The following PAX3 variants were observed in gnomAD, a reference collection of about 807,000 sequenced individuals.
PAX3 encodes paired box 3.
PAX3 carries 14 observed loss-of-function variants against 51.6 expected under a neutral mutation model. The observed-to-expected ratio is 0.27, with a 90% CI of 0.18 to 0.42. The LOEUF is 0.42. PAX3 is among the 10% of genes least tolerant of loss of function. The pLI is 1.00. For missense variants in PAX3, 540 were observed against 642.8 expected (o/e 0.84, Z 1.73); for synonymous variants, 280 against 253.4 (o/e 1.11, Z -1.00).
intron 4 of PAX3, among the ~76,000 whole-genome samples, chr2:222,250,368 C>T (rs1693380967): frequency 6.6e-6 from 1 of 152,070 alleles, no homozygotes; most frequent in Non-Finnish European, 1.5e-5. Flanking sequence ...TTTTAGCCAG[C>T]ATGTATAATC....
At chr2:222,216,100 C>T (rs1691946991) in intron 7 of PAX3, among the ~76,000 whole-genome samples, 1 of 152,162 alleles carries the variant, frequency 6.6e-6, no homozygotes, top group Non-Finnish European at 1.5e-5. Context: ...TCAACCATGG[C>T]TGCAAGAAAA....
chr2:222,214,951 A>G (rs1322588713), intron 7 of PAX3: 1 of 152,102 alleles, frequency 6.6e-6, no homozygotes, highest in African/African-American at 2.4e-5. Context: ...TTTCACTCAT[A>G]AACCAGAAAC....
At chr2:222,242,746 TG>T in intron 4 of PAX3, 1 of 152,316 alleles carries the variant, frequency 6.6e-6, no homozygotes, top group Middle Eastern at 3.4e-3. Flanking sequence ...CAGTGGTGGT[TG>T]GTGTAGGTGG....
chr2:222,292,909 T>A (rs557677939), intron 4 of PAX3, among the ~76,000 whole-genome samples: 1 of 152,332 alleles, frequency 6.6e-6, no homozygotes, highest in South Asian at 2.1e-4. Context: ...AATCAGCCAT[T>A]TGGATCTGTA....
chr2:222,212,614 GA>G (rs1691783402), intron 7 of PAX3, among the ~76,000 whole-genome samples: 1 of 123,784 alleles, frequency 8.1e-6, no homozygotes, highest in South Asian at 2.6e-4. Context: ...AGATTCTTTG[GA>G]AAAACAAACA....
chr2:222,206,859 A>T (rs558328804), intron 7 of PAX3, among the ~76,000 whole-genome samples: 1 of 152,244 alleles, frequency 6.6e-6, no homozygotes, highest in Admixed American at 6.5e-5. Context: ...ATCTAAAATG[A>T]TTCAGTAAAT....
intron 5 of PAX3, among the ~76,000 whole-genome samples, chr2:222,222,234 A>G (rs1417057302): frequency 6.6e-6 from 1 of 152,092 alleles, no homozygotes; most frequent in African/African-American, 2.4e-5. Context: ...AGAAATTGTG[A>G]TATAAGGCCT....
At chr2:222,269,365 T>C (rs1305552488) in intron 4 of PAX3, among the ~76,000 whole-genome samples, 4 of 152,182 alleles carry the variant, frequency 2.6e-5, no homozygotes, top group Admixed American at 1.3e-4. Context: ...TTAATTGCCC[T>C]TTGAATTAAT....
chr2:222,295,439 G>T, intron 3 of PAX3, 89 bp downstream of exon 3: 1 of 1,469,780 alleles, frequency 6.8e-7, no homozygotes, highest in Non-Finnish European at 9.5e-7. Flanking sequence ...AGCTGAGATC[G>T]ATAATTGGGG....
At chr2:222,234,013 T>G (rs914745812) in intron 4 of PAX3, among the ~76,000 whole-genome samples, 2 of 152,198 alleles carry the variant, frequency 1.3e-5, no homozygotes, top group African/African-American at 4.8e-5. Context: ...CCTACAGAAA[T>G]CTAAAATTTC....
chr2:222,200,797 A>G lies in PAX3; in HGVS notation c.*611T>C. 1 of 323,880 alleles carries G rather than the reference A, an allele frequency of 3.1e-6. No individual in the cohort carries two copies. The highest frequency in any genetic ancestry group is 5.7e-6 in the Non-Finnish European group (1 of 173,948). 20.1% of individuals were successfully genotyped at this position (323,880 alleles called of 1,614,324 possible). A position where few individuals can be genotyped will look rare whatever the true frequency, so the allele number is the denominator to read the frequency against. On this transcript the variant is annotated 3_prime_UTR_variant, in exon 9 of 9. Transcript: ENST00000392070. ...GATTACAAATGAGGATACAGTAACA[A>G]ATAATTTATTTAGGAGGTCCTTTAC...
intron 3 of PAX3, among the ~76,000 whole-genome samples, chr2:222,294,774 C>T (rs1306649495): frequency 8.0e-6 from 1 of 124,390 alleles, no homozygotes; most frequent in Non-Finnish European, 1.7e-5. Flanking sequence ...CCCCACCCCC[C>T]CGTAAATCAA....
chr2:222,235,773 T>C (rs1378567409), intron 4 of PAX3, among the ~76,000 whole-genome samples: 1 of 152,084 alleles, frequency 6.6e-6, no homozygotes, highest in Non-Finnish European at 1.5e-5. Context: ...CTGGTGATTC[T>C]TTAAAAGAAA....
chr2:222,254,143 T>C lies in PAX3; in HGVS notation c.587-21860A>G, dbSNP rs944360968. The stretch of plus-strand genomic sequence containing the variant: ...CATCCAATCTCCAGGAAATGCCTAT[T>C]GCAAATTTTTTTTTTAAAAAAAAGT... On this transcript the variant is annotated intron_variant, in intron 4 of 8. Coordinates refer to ENST00000392070, the MANE Select transcript of PAX3 (RefSeq NM_181458.4). Among the ~76,000 whole-genome samples, 6 of 152,030 alleles carry C rather than the reference T, an allele frequency of 3.9e-5. No individual in the cohort carries two copies. In the South Asian group the frequency reaches 1.0e-3, roughly 26 times the overall value.
chr2:222,224,418 A>G (rs1441703944), intron 5 of PAX3, among the ~76,000 whole-genome samples: 2 of 152,188 alleles, frequency 1.3e-5, no homozygotes, highest in African/African-American at 4.8e-5. Context: ...CTGATTTTTT[A>G]TCATCTTACC....
intron 4 of PAX3, among the ~76,000 whole-genome samples, chr2:222,260,526 T>C (rs74754708): frequency 0.043 from 6,409 of 149,272 alleles, 459 homozygotes; most frequent in African/African-American, 0.15. Context: ...GGTTTAGGAA[T>C]GAAAAAACTA....
At chr2:222,218,538 G>A (rs868670470) in intron 7 of PAX3, among the ~76,000 whole-genome samples, 7 of 152,264 alleles carry the variant, frequency 4.6e-5, no homozygotes, top group Middle Eastern at 3.4e-3. Context: ...TTCATGAAAA[G>A]CTTTTCTACA....
At chr2:222,244,555 A>G (rs1471624886) in intron 4 of PAX3, among the ~76,000 whole-genome samples, 4 of 152,126 alleles carry the variant, frequency 2.6e-5, no homozygotes, top group East Asian at 1.9e-4. Context: ...CCTACCAGGC[A>G]TAAGGGAATA....
chr2:222,209,038 G>T (rs1691617135), intron 7 of PAX3, among the ~76,000 whole-genome samples: 1 of 152,066 alleles, frequency 6.6e-6, no homozygotes. Context: ...CTGCCTTTTA[G>T]TGAAAAGAGC....
Sources: allele counts gnomAD v4.1 joint callset (sites outside exome capture counted in the v4.1 genomes callset), GRCh38; gene constraint gnomAD v4.1.1; transcripts MANE v1.5; gene names NCBI Gene and HGNC (gene_info 2026-07-23, HGNC 2026-07-21).